The following MTSS1 variants were observed in gnomAD, a reference collection of about 807,000 sequenced individuals.
MTSS1 encodes the protein MTSS I-BAR domain containing 1, also known as protein MTSS 1.
In MTSS1, 18 loss-of-function variants were observed where a neutral mutation model predicts 79.0. The observed-to-expected ratio is 0.23, with a 90% CI of 0.16 to 0.34. The LOEUF is 0.34. Among genes scored for constraint, MTSS1 ranks in the 10% least tolerant of loss-of-function variants. The pLI is 1.00. For missense variants in MTSS1, 815 were observed against 986.2 expected, an observed-to-expected ratio of 0.83 and a Z score of 2.33; for synonymous variants, 341 against 368.6, an observed-to-expected ratio of 0.93 and a Z score of 0.86.
chr8:124,565,779 TG>T lies in MTSS1; in HGVS notation c.727-21del, dbSNP rs1563761393. 1 of 1,588,734 alleles carries T rather than the reference TG, an allele frequency of 6.3e-7. No individual in the cohort carries two copies. The highest frequency in any genetic ancestry group is 8.6e-7 in the Non-Finnish European group (1 of 1,157,812). Reference sequence around the variant, plus strand: ...AATCACCTAAGGGGACAGAGCCAGCTGGGTGAATGAGGTGCTGAGAGGGGAA... The same window carrying T: ...AATCACCTAAGGGGACAGAGCCAGCTGGTGAATGAGGTGCTGAGAGGGGAA... On this transcript the variant is annotated intron_variant, in intron 8 of 13. Coordinates refer to ENST00000518547, the MANE Select transcript of MTSS1 (RefSeq NM_014751.6).
In MTSS1 at chr8:124,582,587, A is replaced by G. The variant is rs1035555009; in HGVS notation, c.460+2500T>C. 1.3e-5 allele frequency among the ~76,000 whole-genome samples: 2 copies of G among 152,208 alleles called. No homozygotes were observed. Among genetic ancestry groups the G allele is most frequent in the Non-Finnish European group, 2.9e-5 (2 of 68,036 alleles). ...GAAACATATTAAAAAGGAAGTGATT[A>G]TCTGGCTGCATACATCAGATTCCGT... On this transcript the variant is annotated intron_variant, in intron 6 of 13. Coordinates refer to ENST00000518547, the MANE Select transcript of MTSS1 (RefSeq NM_014751.6). The surrounding 1 kb of genome is among the most constrained non-coding windows in gnomAD (Gnocchi z 4.8).
At chr8:124,633,031 C>T (rs796265562) in intron 3 of MTSS1, among the ~76,000 whole-genome samples, 10 of 151,874 alleles carry the variant, frequency 6.6e-5, no homozygotes, top group South Asian at 6.3e-4. Flanking sequence ...TAAGGTGGCG[C>T]GGGGCATGGT....
At chr8:124,624,584 C>T (rs1355220505) in intron 3 of MTSS1, among the ~76,000 whole-genome samples, 1 of 152,150 alleles carries the variant, frequency 6.6e-6, no homozygotes, top group Non-Finnish European at 1.5e-5. Flanking sequence ...GCCCAGGTAC[C>T]TCCACCTGGG....
chr8:124,723,469 C>T lies in MTSS1; in HGVS notation c.72+4415G>A, dbSNP rs2135847614. On this transcript the variant is annotated intron_variant, in intron 1 of 13. Transcript: ENST00000518547. Reference sequence around the variant, plus strand: ...GTTCACAGCATCAAGCTAGAAGTTCCAAAAAATTTGACTAAATAGTAAAGG... The same window carrying T: ...GTTCACAGCATCAAGCTAGAAGTTCTAAAAAATTTGACTAAATAGTAAAGG... Among the ~76,000 whole-genome samples the T allele has an allele frequency of 2.0e-5, 3 of 151,524 alleles. 1 individual carries two copies. The South Asian group carries it at 6.3e-4, about 32-fold the overall frequency.
chr8:124,640,981 G>A (rs1043513490), intron 3 of MTSS1, among the ~76,000 whole-genome samples: 2 of 151,772 alleles, frequency 1.3e-5, no homozygotes, highest in African/African-American at 2.4e-5. Context: ...TCAAAAAAAC[G>A]AGTTCTCTTT....
At chr8:124,668,046 C>T (rs912707664) in intron 3 of MTSS1, among the ~76,000 whole-genome samples, 2 of 152,070 alleles carry the variant, frequency 1.3e-5, no homozygotes, top group Non-Finnish European at 1.5e-5. Context: ...CATGATCGCG[C>T]CACTGCACTC....
rs567962444 is a variant in MTSS1 at position 124,618,707 on chromosome 8, T to TA, written c.209-27473_209-27472insT. Among the ~76,000 whole-genome samples, 6 of 152,234 alleles carry TA rather than the reference T, an allele frequency of 3.9e-5. No individual in the cohort carries two copies. The South Asian group carries it at 1.2e-3, about 32-fold the overall frequency. Reference sequence around the variant, plus strand: ...TGCAATGACTCTGGTAGCTGGCAGCTCTCCATAATGTAGCTGTCTGCTCAT... The same window carrying TA: ...TGCAATGACTCTGGTAGCTGGCAGCTACTCCATAATGTAGCTGTCTGCTCAT... On this transcript the variant is annotated intron_variant, in intron 3 of 13. Coordinates refer to ENST00000518547, the MANE Select transcript of MTSS1 (RefSeq NM_014751.6).
Position 124,727,686 on chromosome 8 carries a change from GC to G in MTSS1, c.72+197del, listed in dbSNP as rs1359119717. The G allele has an allele frequency of 4.5e-6, 3 of 671,536 alleles. No individual in the cohort carries two copies. The African/African-American group carries it at 5.4e-5, about 12-fold the overall frequency. 41.6% of individuals were successfully genotyped at this position (671,536 alleles called of 1,614,324 possible). ...GGGACAGCAGACACCCCCCAGAGAA[GC>G]CACCCGCCCAGTGACCCCGCAGAGC... On this transcript the variant is annotated intron_variant, in intron 1 of 13. Coordinates refer to ENST00000518547, the MANE Select transcript of MTSS1 (RefSeq NM_014751.6). The surrounding 1 kb of genome is among the most constrained non-coding windows in gnomAD (Gnocchi z 4.7).
chr8:124,604,642 A>T (rs1332127159), intron 3 of MTSS1, among the ~76,000 whole-genome samples: 1 of 152,152 alleles, frequency 6.6e-6, no homozygotes, highest in East Asian at 1.9e-4. Flanking sequence ...TATACAGCTG[A>T]GTATGTAATG....
chr8:124,633,398 G>T (rs562149931), intron 3 of MTSS1, among the ~76,000 whole-genome samples: 1 of 152,304 alleles, frequency 6.6e-6, no homozygotes, highest in South Asian at 2.1e-4. Context: ...GAGTGGCTTT[G>T]TCACTTGCCT....
chr8:124,624,183 A>G (rs1814196455), intron 3 of MTSS1, among the ~76,000 whole-genome samples: 2 of 152,226 alleles, frequency 1.3e-5, no homozygotes, highest in African/African-American at 4.8e-5. Context: ...GGACAGAAGA[A>G]GAAGACAGCC....
At chr8:124,559,509 G>A (rs1227095026) in intron 10 of MTSS1, among the ~76,000 whole-genome samples, 1 of 152,160 alleles carries the variant, frequency 6.6e-6, no homozygotes, top group African/African-American at 2.4e-5. Context: ...GCCATTGTGG[G>A]GTGGAATGAA....
intron 1 of MTSS1, among the ~76,000 whole-genome samples, chr8:124,713,914 A>C (rs902914131): frequency 2.0e-5 from 3 of 149,088 alleles, no homozygotes; most frequent in African/African-American, 7.5e-5. Context: ...CACCCGACTA[A>C]TTTTTGTATT....
intron 1 of MTSS1, among the ~76,000 whole-genome samples, chr8:124,711,739 C>T (rs1831195542): frequency 2.0e-5 from 3 of 152,222 alleles, no homozygotes; most frequent in South Asian, 4.2e-4. Context: ...GGGCGCAGTG[C>T]CTCACTCCTA....
chr8:124,667,402 C>T (rs112154293), intron 3 of MTSS1, among the ~76,000 whole-genome samples: 3,947 of 152,160 alleles, frequency 0.026, 170 homozygotes, highest in African/African-American at 0.09. Context: ...CCCAGCACTT[C>T]GGGAGGCCGA....
Position 124,551,282 on chromosome 8 carries a change from C to T in MTSS1, c.*1710G>A, listed in dbSNP as rs572158232. On this transcript the variant is annotated 3_prime_UTR_variant, in exon 14 of 14. Coordinates refer to ENST00000518547, the MANE Select transcript of MTSS1 (RefSeq NM_014751.6). ...TCATCAAGATTGGTGGGCTAAACCACAGGCACTACTGTTGTTTATATTCTG... is the reference window on the plus strand; with the variant it reads ...TCATCAAGATTGGTGGGCTAAACCATAGGCACTACTGTTGTTTATATTCTG... 1.9e-4 allele frequency: 29 copies of T among 152,774 alleles called. No individual in the cohort carries two copies. The highest frequency in any genetic ancestry group is 7.0e-4 in the African/African-American group (29 of 41,574). 9.5% of individuals were successfully genotyped at this position (152,774 alleles called of 1,614,324 possible).
At chr8:124,555,979 G>A (rs755741815) in intron 12 of MTSS1, 75 bp from the exon 13 acceptor site, 1 of 1,573,648 alleles carries the variant, frequency 6.4e-7, no homozygotes, top group Admixed American at 1.8e-5. Flanking sequence ...CTGCCCCCGT[G>A]AGCACTACAT....
At chr8:124,687,925 T>G (rs1827247093) in intron 3 of MTSS1, among the ~76,000 whole-genome samples, 1 of 152,182 alleles carries the variant, frequency 6.6e-6, no homozygotes, top group Admixed American at 6.5e-5. Flanking sequence ...TTTCCTGATT[T>G]TAAAGGCAGG....
intron 3 of MTSS1, among the ~76,000 whole-genome samples, chr8:124,626,834 C>T (rs1814779430): frequency 6.6e-6 from 1 of 152,076 alleles, no homozygotes; most frequent in Admixed American, 6.5e-5. Flanking sequence ...AAGGAAAAGG[C>T]AACAAGAATC....
Sources: gnomAD v4.1 joint callset for allele counts (sites outside exome capture counted in the v4.1 genomes callset) on GRCh38, gnomAD v4.1.1 for gene constraint, Gnocchi (gnomAD v3.1) non-coding constraint, MANE v1.5 for transcripts, NCBI Gene and HGNC (gene_info 2026-07-23, HGNC 2026-07-21) for gene names.